TSC1: variants seen among roughly 807,000 people sequenced by gnomAD.
TSC1 encodes the protein TSC complex subunit 1.
Under a neutral mutation model 124.3 loss-of-function variants are expected in TSC1, and 20 were observed. That is an observed-to-expected ratio of 0.16 (90% CI 0.11 to 0.23). TSC1 has a LOEUF of 0.23. Ranked by LOEUF, TSC1 falls within the 10% of genes least tolerant of loss-of-function variation. The pLI is 1.00. For synonymous variants in TSC1, 493 were observed against 539.1 expected, an observed-to-expected ratio of 0.91 and a Z score of 1.19; for missense variants, 1,124 against 1,448.5, an observed-to-expected ratio of 0.78 and a Z score of 3.64.
intron 2 of TSC1, among the ~76,000 whole-genome samples, chr9:132,934,001 T>A (rs1847333065): frequency 6.6e-6 from 1 of 152,208 alleles, no homozygotes; most frequent in Non-Finnish European, 1.5e-5. Flanking sequence ...AGAACAATAC[T>A]TAACTTTCGA....
chr9:132,910,811 G>C (rs1439626037), intron 11 of TSC1, 119 bp from the exon 12 acceptor site: 1 of 1,474,292 alleles, frequency 6.8e-7, no homozygotes, highest in Non-Finnish European at 9.5e-7. Context: ...ACTTTCTGGG[G>C]ATCTAGATCA....
In TSC1 at chr9:132,894,932, G is replaced by A; in HGVS notation, c.*1303C>T. The A allele has an allele frequency of 4.3e-6, 1 of 231,830 alleles. No individual in the cohort carries two copies. The highest frequency in any genetic ancestry group is 8.5e-6 in the Non-Finnish European group (1 of 117,162). 14.4% of individuals were successfully genotyped at this position (231,830 alleles called of 1,614,324 possible). ...TCTAGCGTTTCTTTCAGGAGCACTTGTTGAGTTTGGATTCTCTGCCACTGC... is the reference window on the plus strand; with the variant it reads ...TCTAGCGTTTCTTTCAGGAGCACTTATTGAGTTTGGATTCTCTGCCACTGC... On this transcript the variant is annotated 3_prime_UTR_variant, in exon 23 of 23. Transcript: ENST00000298552.
At chr9:132,918,328 C>A (rs933061799) in intron 8 of TSC1, among the ~76,000 whole-genome samples, 2 of 152,148 alleles carry the variant, frequency 1.3e-5, no homozygotes, top group African/African-American at 2.4e-5. Context: ...TCCTTAAAAT[C>A]ATGAGGAACT....
At chr9:132,918,431 C>A (rs929236267) in intron 8 of TSC1, among the ~76,000 whole-genome samples, 1 of 152,148 alleles carries the variant, frequency 6.6e-6, no homozygotes, top group African/African-American at 2.4e-5. Flanking sequence ...ACTGGAGGAG[C>A]AGTCACAACC....
chr9:132,896,856 C>T lies in TSC1; in HGVS notation c.2976-102G>A, dbSNP rs1845099596. On this transcript the variant is annotated intron_variant, in intron 22 of 22. Transcript: ENST00000298552. The surrounding 1 kb of genome is among the most constrained non-coding windows in gnomAD (Gnocchi z 4.5). ...CACTCACTCACACTGACACTGAACTCCGCTAGCCCACTCTCTGTTTTATAA... is the reference window on the plus strand; with the variant it reads ...CACTCACTCACACTGACACTGAACTTCGCTAGCCCACTCTCTGTTTTATAA... The T allele has an allele frequency of 6.4e-7, 1 of 1,551,568 alleles. No homozygotes were observed.
At chr9:132,925,821 A>G in intron 4 of TSC1, 82 bp from the exon 5 acceptor site, 1 of 1,543,648 alleles carries the variant, frequency 6.5e-7, no homozygotes, top group East Asian at 2.2e-5. Flanking sequence ...ATGTGCTCCA[A>G]TCTCTCAAGT....
rs911765877 is a variant in TSC1 at position 132,894,854 on chromosome 9, T to C, written c.*1381A>G. The C allele has an allele frequency of 4.3e-6, 1 of 232,276 alleles. No individual in the cohort carries two copies. Among genetic ancestry groups the C allele is most frequent in the Non-Finnish European group, 8.5e-6 (1 of 117,496 alleles). 14.4% of individuals were successfully genotyped at this position (232,276 alleles called of 1,614,324 possible). On this transcript the variant is annotated 3_prime_UTR_variant, in exon 23 of 23. Coordinates refer to ENST00000298552, the MANE Select transcript of TSC1 (RefSeq NM_000368.5). ...AGGAAAGCCAAGTTCACTGGCTCCT[T>C]CCTACCAAATCCCCCTGCCTCAGCT... is the stretch of plus-strand genomic sequence containing the variant.
chr9:132,920,535 T>C (rs1422543875), intron 8 of TSC1, among the ~76,000 whole-genome samples: 2 of 152,138 alleles, frequency 1.3e-5, no homozygotes, highest in African/African-American at 2.4e-5. Context: ...AATCTCACAA[T>C]AAACTGCTTT....
In TSC1 at chr9:132,921,906, A is replaced by G. The variant is rs118203406; in HGVS notation, c.576T>C (p.Tyr192=). The part of the protein sequence containing the change: ...ASVYALFHRL[Y]GMYPCNFVSF... ...AGACGAAGTTGCAAGGGTACATTCC[A>G]TAAAGGCGATGAAAGAGTGCGTACA... Residue 192 remains tyrosine (Y), a synonymous_variant, in exon 7 of 23, where the codon TAT becomes TAC. Coordinates refer to ENST00000298552, the MANE Select transcript of TSC1 (RefSeq NM_000368.5). This position sits in a 1 kb window ranked among gnomAD's most constrained non-coding sequence, Gnocchi z 4.3. The G allele has an allele frequency of 1.2e-6, 2 of 1,614,232 alleles. No individual in the cohort carries two copies. The highest frequency in any genetic ancestry group is 1.7e-6 in the Non-Finnish European group (2 of 1,180,040).
In TSC1 at chr9:132,892,061, C is replaced by A. The variant is rs1016277383; in HGVS notation, c.*4174G>T. On this transcript the variant is annotated 3_prime_UTR_variant, in exon 23 of 23. Transcript: ENST00000298552. ...AAGCCATGGGCACAGGTGCTCGGCTCTTCCAGGCAGGCTTCCCTTGTAGCT... is the reference window on the plus strand; with the variant it reads ...AAGCCATGGGCACAGGTGCTCGGCTATTCCAGGCAGGCTTCCCTTGTAGCT... 2.6e-5 allele frequency: 6 copies of A among 233,096 alleles called. No homozygotes were observed. Among genetic ancestry groups the A allele is most frequent in the Non-Finnish European group, 4.2e-5 (5 of 117,984 alleles). The allele number at this position is 233,096 out of a possible 1,614,324, so 14.4% of individuals were successfully genotyped here.
At chr9:132,935,175 GCTT>G (rs1847394213) in intron 1 of TSC1, 80 bp from the exon 2 acceptor site, 1 of 397,834 alleles carries the variant, frequency 2.5e-6, no homozygotes. Context: ...TCTGGCACAA[GCTT>G]CTTCCTCCTC....
upstream of TSC1, chr9:132,944,674 A>AGTC: frequency 2.5e-6 from 1 of 398,784 alleles, no homozygotes. Flanking sequence ...CACGAAAAAG[A>AGTC]GTCCCCCTCC....
chr9:132,903,537 G>A lies in TSC1; in HGVS notation c.2208+114C>T. ...TTAATCTCAAGCGACCTGCCCAAAG[G>A]AGTGGGAAGGACTGGGAACTCTGAC... On this transcript the variant is annotated intron_variant, in intron 17 of 22. Transcript: ENST00000298552. This position sits in a 1 kb window ranked among gnomAD's most constrained non-coding sequence, Gnocchi z 5.9. The A allele has an allele frequency of 6.8e-7, 1 of 1,464,324 alleles. No individual in the cohort carries two copies. The highest frequency in any genetic ancestry group is 9.5e-7 in the Non-Finnish European group (1 of 1,050,430). The allele number at this position is 1,464,324 out of a possible 1,614,324, so 90.7% of individuals were successfully genotyped here.
chr9:132,938,613 G>A (rs1046728365), intron 1 of TSC1, among the ~76,000 whole-genome samples: 6 of 152,142 alleles, frequency 3.9e-5, no homozygotes, highest in African/African-American at 1.2e-4. Flanking sequence ...TGGCTTATAT[G>A]CCTAGGATTA....
Position 132,911,493 on chromosome 9 carries a change from A to G in TSC1, c.989T>C (p.Leu330Pro), listed in dbSNP as rs1588324325. The G allele has an allele frequency of 6.2e-7, 1 of 1,614,072 alleles. No homozygotes were observed. Among genetic ancestry groups the G allele is most frequent in the Non-Finnish European group, 8.5e-7 (1 of 1,179,998 alleles). ...LNMPGQLPQT[L>P]SSPSTRLITE... ...TATCAGCCGTGTCGATGGGGAACTC[A>G]GAGTCTGAGGTAGCTGCCCTGGCAT... Residue 330 changes from leucine (L) to proline (P), a missense_variant, in exon 10 of 23, where the codon CTG becomes CCG. Leu to Pro is a moderately conservative substitution (Grantham distance 98). This residue lies in a region of TSC1 where 463 missense variants were observed against 606.8 expected (regional missense o/e 0.76). Coordinates refer to ENST00000298552, the MANE Select transcript of TSC1 (RefSeq NM_000368.5).
rs1203620977 is a variant in TSC1, at chr9:132,906,754, C to T, written c.1415G>A (p.Ser472Asn). Residue 472 changes from serine to asparagine, a missense_variant, in exon 14 of 23, where the codon AGT becomes AAT. Physicochemically the swap from Ser to Asn is conservative, Grantham distance 46. Around this residue, in one of 5 missense-constraint regions of TSC1, gnomAD observed 463 missense variants for 606.8 expected, o/e 0.76. Coordinates refer to ENST00000298552, the MANE Select transcript of TSC1 (RefSeq NM_000368.5). The surrounding 1 kb of genome is among the most constrained non-coding windows in gnomAD (Gnocchi z 4.1). ...ACCTTCTTCTTTATCTTTTTCAATA[C>T]TATCTTCTTCAGAGGCCAGATCACC... The part of the protein sequence containing the change: ...FLGDLASEED[S>N]IEKDKEEAAI... 1 of 1,614,022 alleles carries T rather than the reference C, an allele frequency of 6.2e-7. No homozygotes were observed. Among genetic ancestry groups the T allele is most frequent in the Non-Finnish European group, 8.5e-7 (1 of 1,179,978 alleles).
rs941060309 is a variant in TSC1, at chr9:132,923,294, A to G, written c.508+54T>C. ...CTTACAGCATATGAGCAATTAATCA[A>G]TAATGAAAGCATTCACCTCACAGGG... is the stretch of plus-strand genomic sequence containing the variant. On this transcript the variant is annotated intron_variant, in intron 6 of 22. Transcript: ENST00000298552. This position sits in a 1 kb window ranked among gnomAD's most constrained non-coding sequence, Gnocchi z 4.2. 8.7e-6 allele frequency: 14 copies of G among 1,604,164 alleles called. No homozygotes were observed. In the African/African-American group the frequency reaches 1.9e-4, roughly 22 times the overall value.
Position 132,903,421 on chromosome 9 carries a change from C to A in TSC1, c.2208+230G>T, listed in dbSNP as rs1845482795. Among the ~76,000 whole-genome samples the A allele has an allele frequency of 6.6e-6, 1 of 152,196 alleles. No homozygotes were observed. The highest frequency in any genetic ancestry group is 2.1e-4 in the South Asian group (1 of 4,826). On this transcript the variant is annotated intron_variant, in intron 17 of 22. Coordinates refer to ENST00000298552, the MANE Select transcript of TSC1 (RefSeq NM_000368.5). The surrounding 1 kb of genome is among the most constrained non-coding windows in gnomAD (Gnocchi z 5.9). ...ATCTTCTGACCCTTCATCATCATGG[C>A]CAGTTACATGCAAACATACACACAC...
Position 132,895,099 on chromosome 9 carries a change from C to T in TSC1, c.*1136G>A. 1 of 233,174 alleles carries T rather than the reference C, an allele frequency of 4.3e-6. No individual in the cohort carries two copies. 14.4% of individuals were successfully genotyped at this position (233,174 alleles called of 1,614,324 possible). A position where few individuals can be genotyped will look rare whatever the true frequency, so the allele number is the denominator to read the frequency against. On this transcript the variant is annotated 3_prime_UTR_variant, in exon 23 of 23. Transcript: ENST00000298552. ...CATGGAGAGTGTGATGACATCAGCT[C>T]CCTGGAGAGTCAGCCCCTGAAAGTT...
Sources: allele counts gnomAD v4.1 joint callset (sites outside exome capture counted in the v4.1 genomes callset), GRCh38; gene constraint gnomAD v4.1.1; regional missense constraint gnomAD v4.1.1; non-coding constraint Gnocchi (gnomAD v3.1); transcripts MANE v1.5; gene names NCBI Gene and HGNC (gene_info 2026-07-23, HGNC 2026-07-21).